The following E2F2 variants were observed in gnomAD, a reference collection of about 807,000 sequenced individuals.
The protein encoded by E2F2 is transcription factor E2F2.
In E2F2, 22 loss-of-function variants were observed where a neutral mutation model predicts 42.2. The observed-to-expected ratio is 0.52, with a 90% CI of 0.37 to 0.74. The LOEUF (loss-of-function observed/expected upper bound fraction) is 0.74. Ranked by LOEUF, E2F2 falls within the 30% of genes least tolerant of loss-of-function variation. E2F2 has a pLI of 0.00. For synonymous variants in E2F2, 248 were observed against 251.6 expected (o/e 0.99, Z 0.13); for missense variants, 481 against 557.8 (o/e 0.86, Z 1.39).
chr1:23,506,044 G>A (rs999384646), downstream of E2F2, among the ~76,000 whole-genome samples: 2 of 152,100 alleles, frequency 1.3e-5, no homozygotes, highest in Admixed American at 6.6e-5. Context: ...GTGATCCACC[G>A]CACCCAGCGT....
chr1:23,519,422 AAGGC>A (rs1643092746), intron 4 of E2F2: 2 of 217,482 alleles, frequency 9.2e-6, no homozygotes, highest in Non-Finnish European at 1.8e-5. Flanking sequence ...TAGCTCTGAG[AAGGC>A]AGGAAGATGT....
chr1:23,518,905 G>T, intron 5 of E2F2, 111 bp downstream of exon 5: 1 of 745,978 alleles, frequency 1.3e-6, no homozygotes, highest in South Asian at 2.1e-5. Flanking sequence ...ACCACAATGG[G>T]CCTGCAAAGC....
At chr1:23,511,860 T>C (rs913041380) in intron 6 of E2F2, among the ~76,000 whole-genome samples, 1 of 152,198 alleles carries the variant, frequency 6.6e-6, no homozygotes, top group African/African-American at 2.4e-5. Flanking sequence ...TAGCACTACC[T>C]ACCTCAAAGG....
rs2148685643 is a variant in E2F2, at chr1:23,509,828, G to C, written c.*52C>G. On this transcript the variant is annotated 3_prime_UTR_variant, in exon 7 of 7. Transcript: ENST00000361729. ...GTGCAGGCAGAGGGGCTGTCAGCCT[G>C]TCTGTGAGGAGGTAGAGTCGGGGGC... is the stretch of plus-strand genomic sequence containing the variant. 6.6e-7 allele frequency: 1 copy of C among 1,505,046 alleles called. No homozygotes were observed. The highest frequency in any genetic ancestry group is 2.4e-5 in the East Asian group (1 of 42,540). 93.2% of individuals were successfully genotyped at this position (1,505,046 alleles called of 1,614,324 possible). A position where few individuals can be genotyped will look rare whatever the true frequency, so the allele number is the denominator to read the frequency against.
intron 1 of E2F2, among the ~76,000 whole-genome samples, chr1:23,526,637 C>T (rs1643254531): frequency 6.6e-6 from 1 of 152,196 alleles, no homozygotes; most frequent in Admixed American, 6.5e-5. Context: ...TTGGCACTGG[C>T]TCTCGGAAGC....
In E2F2 at chr1:23,507,379, G is replaced by C. The variant is rs997277366; in HGVS notation, c.*2501C>G. ...CAAAAATACAAAATTAGCCGGGCGT[G>C]GTGGTGCATGTCTATAGTCCCAGCT... On this transcript the variant is annotated 3_prime_UTR_variant, in exon 7 of 7. Transcript: ENST00000361729. The C allele has an allele frequency of 3.3e-5, 5 of 152,104 alleles. No homozygotes were observed. Among genetic ancestry groups the C allele is most frequent in the African/African-American group, 1.2e-4 (5 of 41,334 alleles). The allele number at this position is 152,104 out of a possible 1,614,324, so 9.4% of individuals were successfully genotyped here. A position where few individuals can be genotyped will look rare whatever the true frequency, so the allele number is the denominator to read the frequency against.
rs76411021 is a variant in E2F2 at position 23,528,377 on chromosome 1, T to C, written c.252+2165A>G. Among the ~76,000 whole-genome samples the C allele has an allele frequency of 5.5e-3, 845 of 152,294 alleles. 8 individuals carry two copies. The highest frequency in any genetic ancestry group is 0.018 in the African/African-American group (732 of 41,558). On this transcript the variant is annotated intron_variant, in intron 1 of 6. Coordinates refer to ENST00000361729, the MANE Select transcript of E2F2 (RefSeq NM_004091.4). ...AAGCGGCCACACCCAGGGTTGGGTT[T>C]GGAGCTGTTCCAGGTCACGCCCTTG...
rs367755068 is a variant in E2F2, at chr1:23,510,160, C to T, written c.1046-12G>A. 2.5e-6 allele frequency: 4 copies of T among 1,582,210 alleles called. No individual in the cohort carries two copies. The African/African-American group carries it at 4.0e-5, about 16-fold the overall frequency. On this transcript the variant is annotated splice_polypyrimidine_tract_variant and intron_variant, in intron 6 of 6. Transcript: ENST00000361729. ...CGCTGGTGCTGGCACTGGAGACAAA[C>T]AGACAAAGGTTACGCCTGGCCCTAG... is the stretch of plus-strand genomic sequence containing the variant.
At chr1:23,529,657 G>C (rs921665689) in intron 1 of E2F2, among the ~76,000 whole-genome samples, 1 of 152,226 alleles carries the variant, frequency 6.6e-6, no homozygotes, top group African/African-American at 2.4e-5. Flanking sequence ...TTGTGAAGGA[G>C]AGAACACTGA....
intron 6 of E2F2, among the ~76,000 whole-genome samples, chr1:23,515,413 C>A (rs1375974666): frequency 6.6e-6 from 1 of 152,194 alleles, no homozygotes; most frequent in Non-Finnish European, 1.5e-5. Flanking sequence ...TCGATTTGAT[C>A]TATGCCTTGT....
chr1:23,528,851 G>A (rs930153179), intron 1 of E2F2, among the ~76,000 whole-genome samples: 1 of 152,150 alleles, frequency 6.6e-6, no homozygotes, highest in Non-Finnish European at 1.5e-5. Flanking sequence ...CCCTTCCCTG[G>A]GGGGAGCTCA....
intron 3 of E2F2, 131 bp from the exon 4 acceptor site, chr1:23,521,202 T>G: frequency 9.0e-7 from 1 of 1,112,820 alleles, no homozygotes; most frequent in South Asian, 1.9e-5. Context: ...CTCAGGGAGC[T>G]ACCAGGGATT....
intron 4 of E2F2, 55 bp from the exon 5 acceptor site, chr1:23,519,185 C>T (rs1176209168): frequency 1.4e-6 from 2 of 1,388,766 alleles, no homozygotes; most frequent in Non-Finnish European, 2.0e-6. Context: ...AAACCCCAAA[C>T]CTGCCAGGGA....
At chr1:23,515,783 C>A (rs1308583822) in intron 6 of E2F2, among the ~76,000 whole-genome samples, 1 of 151,808 alleles carries the variant, frequency 6.6e-6, no homozygotes, top group Non-Finnish European at 1.5e-5. Context: ...CTCACTGTAG[C>A]CTCAACCTCC....
At chr1:23,523,871 T>C (rs2075998) in intron 2 of E2F2, among the ~76,000 whole-genome samples, 76,861 of 151,504 alleles carry the variant, frequency 0.51, 23,028 homozygotes, top group East Asian at 0.83. Context: ...GTCAGGAGTT[T>C]AAGACCAGCC....
chr1:23,521,388 A>G (rs1256541295), intron 3 of E2F2, among the ~76,000 whole-genome samples: 1 of 152,098 alleles, frequency 6.6e-6, no homozygotes, highest in Non-Finnish European at 1.5e-5. Context: ...GCCAAGGGCT[A>G]TAGGTCAGCT....
intron 6 of E2F2, among the ~76,000 whole-genome samples, chr1:23,514,237 G>A (rs960251665): frequency 6.6e-6 from 1 of 152,174 alleles, no homozygotes; most frequent in African/African-American, 2.4e-5. Flanking sequence ...AGGGCTATGC[G>A]CATGCTGACA....
At chr1:23,516,570 G>T in intron 5 of E2F2, 43 bp from the exon 6 acceptor site, 1 of 1,517,954 alleles carries the variant, frequency 6.6e-7, no homozygotes, top group Non-Finnish European at 9.0e-7. Flanking sequence ...TGGGCAGCTG[G>T]ACACTTACAC....
intron 6 of E2F2, among the ~76,000 whole-genome samples, chr1:23,514,415 A>C (rs551914346): frequency 1.5e-3 from 231 of 152,216 alleles, no homozygotes; most frequent in African/African-American, 5.4e-3. Flanking sequence ...ATTAGAGAAG[A>C]GTTGGGAGGC....
Sources: allele counts gnomAD v4.1 joint callset (sites outside exome capture counted in the v4.1 genomes callset), GRCh38; gene constraint gnomAD v4.1.1; transcripts MANE v1.5; gene names NCBI Gene and HGNC (gene_info 2026-07-23, HGNC 2026-07-21).